LAMA3: variants seen among roughly 807,000 people sequenced by gnomAD.
LAMA3 encodes laminin subunit alpha-3.
In LAMA3, 281 loss-of-function variants were observed where a neutral mutation model predicts 402.0. That is an observed-to-expected ratio of 0.70 (90% CI 0.63 to 0.77). The LOEUF is 0.77. LAMA3 is among the 30% of genes least tolerant of loss of function. LAMA3 has a pLI of 0.00. For missense variants in LAMA3, 3,840 were observed against 4,215.5 expected (o/e 0.91, Z 2.47); for synonymous variants, 1,431 against 1,558.4 (o/e 0.92, Z 1.93).
intron 14 of LAMA3, among the ~76,000 whole-genome samples, chr18:23,813,439 G>C (rs2063113182): frequency 6.6e-6 from 1 of 151,198 alleles, no homozygotes; most frequent in African/African-American, 2.4e-5. Flanking sequence ...AATGGCCAAG[G>C]ACACATTAAA....
At chr18:23,858,021 T>G (rs2064125714) in intron 33 of LAMA3, 33 bp downstream of exon 33, 2 of 1,613,812 alleles carry the variant, frequency 1.2e-6, no homozygotes, top group Non-Finnish European at 1.7e-6. Context: ...AGACAACAGC[T>G]GCCGGTCAGC....
chr18:23,876,523 G>A (rs914181455), intron 39 of LAMA3, 116 bp downstream of exon 39: 13 of 701,340 alleles, frequency 1.9e-5, no homozygotes, highest in Non-Finnish European at 2.8e-5. Context: ...AATAGAGGTC[G>A]CTGTGTAAAT....
chr18:23,737,695 G>A lies in LAMA3; in HGVS notation c.448-10248G>A, dbSNP rs556074079. 1.0e-3 allele frequency among the ~76,000 whole-genome samples: 159 copies of A among 152,262 alleles called. 1 individual carries two copies. The highest frequency in any genetic ancestry group is 1.5e-3 in the Non-Finnish European group (99 of 68,026). ...ATCGCCCTCATCCAGGCAGGTTACCGGCCCTGCCCTGGCCCACAGCAGCAT... is the reference window on the plus strand; with the variant it reads ...ATCGCCCTCATCCAGGCAGGTTACCAGCCCTGCCCTGGCCCACAGCAGCAT... On this transcript the variant is annotated intron_variant, in intron 2 of 74. Transcript: ENST00000313654.
Position 23,907,644 on chromosome 18 carries a change from T to G in LAMA3, c.6813T>G (p.Asp2271Glu). The part of the protein sequence containing the change: ...VIDTNLTTLR[D>E]GLHGIQRGDI... ...ACACCAATCTCACAACTCTCCGAGATGGTCTTCATGGGATACAGAGAGGTC... is the reference window on the plus strand; with the variant it reads ...ACACCAATCTCACAACTCTCCGAGAGGGTCTTCATGGGATACAGAGAGGTC... Residue 2271 changes from aspartate (D) to glutamate (E), a missense_variant, in exon 53 of 75, where the codon GAT becomes GAG. Coordinates refer to ENST00000313654, the MANE Select transcript of LAMA3 (RefSeq NM_198129.4). The G allele has an allele frequency of 6.2e-7, 1 of 1,613,012 alleles. No homozygotes were observed. Among genetic ancestry groups the G allele is most frequent in the Non-Finnish European group, 8.5e-7 (1 of 1,178,916 alleles).
At chr18:23,794,030 C>T (rs1052761621) in intron 12 of LAMA3, among the ~76,000 whole-genome samples, 6 of 152,218 alleles carry the variant, frequency 3.9e-5, no homozygotes, top group Non-Finnish European at 8.8e-5. Flanking sequence ...ACACATAAGA[C>T]GAGATATGGG....
chr18:23,843,826 T>C (rs1286397426), intron 29 of LAMA3, among the ~76,000 whole-genome samples: 1 of 152,138 alleles, frequency 6.6e-6, no homozygotes, highest in African/African-American at 2.4e-5. Context: ...GCCATACAAA[T>C]CCGTTCTCAA....
chr18:23,899,571 A>G, intron 47 of LAMA3, 116 bp downstream of exon 47: 2 of 1,051,146 alleles, frequency 1.9e-6, no homozygotes, highest in Non-Finnish European at 2.9e-6. Context: ...GTTTCAGCGA[A>G]TATTACTGTT....
At chr18:23,720,708 G>A (rs1325870343) in intron 2 of LAMA3, among the ~76,000 whole-genome samples, 1 of 152,158 alleles carries the variant, frequency 6.6e-6, no homozygotes, top group Non-Finnish European at 1.5e-5. Context: ...TCATTAGTGG[G>A]TAGAAAAACA....
intron 54 of LAMA3, among the ~76,000 whole-genome samples, chr18:23,908,840 G>A (rs2081341805): frequency 6.6e-6 from 1 of 152,228 alleles, no homozygotes; most frequent in African/African-American, 2.4e-5. Context: ...AAAAAAGGAA[G>A]ATTCACATGG....
chr18:23,870,411 T>C (rs2064484036), intron 37 of LAMA3, among the ~76,000 whole-genome samples: 1 of 152,126 alleles, frequency 6.6e-6, no homozygotes, highest in Non-Finnish European at 1.5e-5. Context: ...GTGCATCCAC[T>C]GTGGAAACAC....
At chr18:23,945,297 G>T (rs76904625) in intron 69 of LAMA3, among the ~76,000 whole-genome samples, 3 of 152,192 alleles carry the variant, frequency 2.0e-5, no homozygotes, top group Admixed American at 6.5e-5. Flanking sequence ...AGAAGTGACC[G>T]CCAGGACGCA....
chr18:23,927,215 G>A (rs1284848306), intron 62 of LAMA3, among the ~76,000 whole-genome samples: 1 of 152,152 alleles, frequency 6.6e-6, no homozygotes, highest in African/African-American at 2.4e-5. Flanking sequence ...TTGTTGCCAG[G>A]CTGGAGTACA....
At chr18:23,750,686 G>A (rs973971195) in intron 4 of LAMA3, among the ~76,000 whole-genome samples, 1 of 151,836 alleles carries the variant, frequency 6.6e-6, no homozygotes, top group African/African-American at 2.4e-5. Flanking sequence ...AACATCTCCC[G>A]AGAGCCCAGA....
At chr18:23,799,845 G>A (rs1328902622) in intron 12 of LAMA3, among the ~76,000 whole-genome samples, 1 of 152,216 alleles carries the variant, frequency 6.6e-6, no homozygotes, top group African/African-American at 2.4e-5. Flanking sequence ...GCCAAGAAAA[G>A]AGTTGATTCT....
intron 40 of LAMA3, among the ~76,000 whole-genome samples, chr18:23,882,609 T>TA (rs10555585): frequency 1.3e-3 from 177 of 138,792 alleles, no homozygotes; most frequent in Non-Finnish European, 1.4e-3. Flanking sequence ...GACTCCATCT[T>TA]AAAAAAAAAA....
chr18:23,875,978 A>T (rs1406295241), intron 38 of LAMA3, among the ~76,000 whole-genome samples: 4 of 152,194 alleles, frequency 2.6e-5, no homozygotes, highest in African/African-American at 9.7e-5. Context: ...GGTTGAAATT[A>T]AAAATATTCA....
chr18:23,916,812 A>T (rs2081642126), intron 60 of LAMA3, 117 bp downstream of exon 60: 1 of 981,842 alleles, frequency 1.0e-6, no homozygotes, highest in Non-Finnish European at 1.6e-6. Context: ...TGTAAATGTT[A>T]CCTGCATCCT....
chr18:23,689,842 C>A lies in LAMA3; in HGVS notation c.159C>A (p.Asn53Lys), dbSNP rs574627157. The stretch of plus-strand genomic sequence containing the variant: ...TCAGCCTTCACCCGACTTACTTCAA[C>A]CTGGCCGAGGCGGCGAGGATTTGGG... Reference protein sequence around the residue: ...AGLSLHPTYFNLAEAARIWAT... With the variant: ...AGLSLHPTYFKLAEAARIWAT... The change falls in exon 1 of 75, where the codon AAC becomes AAA. Residue 53 changes from asparagine to lysine, a missense_variant. Physicochemically the swap from Asn to Lys is moderately conservative, Grantham distance 94 (BLOSUM62 0). Coordinates refer to ENST00000313654, the MANE Select transcript of LAMA3 (RefSeq NM_198129.4). 3 of 1,553,876 alleles carry A rather than the reference C, an allele frequency of 1.9e-6. No individual in the cohort carries two copies. Among genetic ancestry groups the A allele is most frequent in the South Asian group, 1.2e-5 (1 of 84,084 alleles).
chr18:23,785,225 A>C (rs769702476), intron 12 of LAMA3, among the ~76,000 whole-genome samples: 2 of 152,200 alleles, frequency 1.3e-5, no homozygotes, highest in Admixed American at 6.5e-5. Context: ...TCCAATTTGC[A>C]AACCCAATTG....
Sources: allele counts gnomAD v4.1 joint callset (sites outside exome capture counted in the v4.1 genomes callset), GRCh38; gene constraint gnomAD v4.1.1; transcripts MANE v1.5; gene names NCBI Gene and HGNC (gene_info 2026-07-23, HGNC 2026-07-21).